NAV3: variants seen among roughly 807,000 people sequenced by gnomAD.
The protein encoded by NAV3 is pore membrane and/or filament interacting like protein 1.
In NAV3, 87 loss-of-function variants were observed where a neutral mutation model predicts 244.7. The observed-to-expected ratio is 0.36, with a 90% CI of 0.30 to 0.42. The LOEUF (loss-of-function observed/expected upper bound fraction) is 0.42. NAV3 is among the 20% of genes least tolerant of loss of function. NAV3 has a pLI of 1.00. For synonymous variants in NAV3, 1,126 were observed against 1,042.2 expected (o/e 1.08, Z -1.55); for missense variants, 2,663 against 2,893.3 (o/e 0.92, Z 1.83).
chr12:77,846,581 G>T (rs1276975927), intron 1 of NAV3, among the ~76,000 whole-genome samples: 1 of 152,028 alleles, frequency 6.6e-6, no homozygotes, highest in Non-Finnish European at 1.5e-5. Context: ...TTTTCTCCTT[G>T]ATTTCATTCT....
At chr12:78,132,610 C>G (rs1425198082) in intron 18 of NAV3, among the ~76,000 whole-genome samples, 1 of 152,146 alleles carries the variant, frequency 6.6e-6, no homozygotes, top group Non-Finnish European at 1.5e-5. Context: ...GGTGCAAACC[C>G]TGGGCAATGC....
chr12:78,025,051 C>G (rs1877793133), intron 9 of NAV3, among the ~76,000 whole-genome samples: 1 of 152,002 alleles, frequency 6.6e-6, no homozygotes, highest in African/African-American at 2.4e-5. Context: ...TGATTTATCT[C>G]CTTCTCTTAT....
intron 7 of NAV3, among the ~76,000 whole-genome samples, chr12:78,001,898 A>C (rs1460923413): frequency 6.6e-6 from 1 of 152,212 alleles, no homozygotes; most frequent in Non-Finnish European, 1.5e-5. Flanking sequence ...TCTCCTGATG[A>C]CCTGCCATTC....
At chr12:77,982,729 A>G (rs1869795977) in intron 5 of NAV3, among the ~76,000 whole-genome samples, 1 of 152,190 alleles carries the variant, frequency 6.6e-6, no homozygotes, top group South Asian at 2.1e-4. Context: ...TCCTTGTTCC[A>G]CTATGTCCAG....
At chr12:78,185,943 A>G (rs1958697192) in intron 31 of NAV3, among the ~76,000 whole-genome samples, 1 of 151,890 alleles carries the variant, frequency 6.6e-6, no homozygotes, top group Admixed American at 6.6e-5. Context: ...CCTCATTTCT[A>G]AAACTTTAAA....
At position 77,717,257 on chromosome 12, in the gene NAV3, C is replaced by T. The variant is rs951069965; in HGVS notation, c.72+144991C>T. ...CTTCCTGCATGACCAAAACTCTATA[C>T]CCATTGAACAACTCCCTATTTTCCT... is the stretch of plus-strand genomic sequence containing the variant. On this transcript the variant is annotated intron_variant, in intron 2 of 8. Coordinates refer to the NAV3 transcript ENST00000550042. Among the ~76,000 whole-genome samples, 14 of 151,974 alleles carry T rather than the reference C, an allele frequency of 9.2e-5. 1 individual carries two copies. Among genetic ancestry groups the T allele is most frequent in the Non-Finnish European group, 1.6e-4 (11 of 67,936 alleles).
At chr12:77,915,572 G>GC (rs147567321) in intron 1 of NAV3, among the ~76,000 whole-genome samples, 16,721 of 151,870 alleles carry the variant, frequency 0.11, 1,044 homozygotes, top group South Asian at 0.2. Flanking sequence ...AATCTAGATA[G>GC]TATATTATTA....
At chr12:78,148,732 A>G in intron 21 of NAV3, 110 bp from the exon 22 acceptor site, 1 of 841,854 alleles carries the variant, frequency 1.2e-6, no homozygotes, top group Non-Finnish European at 1.9e-6. Flanking sequence ...TGCTGCTGAT[A>G]CAATGGGGTT....
intron 6 of NAV3, among the ~76,000 whole-genome samples, chr12:77,995,446 A>G (rs1023063169): frequency 6.6e-6 from 1 of 152,202 alleles, no homozygotes; most frequent in African/African-American, 2.4e-5. Flanking sequence ...AATGTTTTGA[A>G]AGAGTTTGAT....
chr12:77,871,703 T>C lies in NAV3; in HGVS notation c.243+39999T>C, dbSNP rs545444570. On this transcript the variant is annotated intron_variant, in intron 1 of 39. Coordinates refer to ENST00000397909, the MANE Select transcript of NAV3 (RefSeq NM_001024383.2). ...AGTCTATCATTGATGGGCATTTGGG[T>C]TGGTTCCAAGTCTTTGCTATTGTGA... Among the ~76,000 whole-genome samples the C allele has an allele frequency of 3.5e-4, 54 of 152,350 alleles. 1 individual carries two copies. The highest frequency in any genetic ancestry group is 2.9e-4 in the Non-Finnish European group (20 of 68,028).
At chr12:78,191,355 T>A (rs917567597) in intron 34 of NAV3, among the ~76,000 whole-genome samples, 1 of 151,466 alleles carries the variant, frequency 6.6e-6, no homozygotes, top group African/African-American at 2.4e-5. Flanking sequence ...GATATAAGAG[T>A]TGCTTGCAAT....
At chr12:77,980,449 T>A (rs1213070800) in intron 5 of NAV3, among the ~76,000 whole-genome samples, 1 of 152,208 alleles carries the variant, frequency 6.6e-6, no homozygotes, top group Non-Finnish European at 1.5e-5. Context: ...TTCCTGAATA[T>A]ATGTATTAAG....
chr12:77,980,738 G>T (rs528626928), intron 5 of NAV3, among the ~76,000 whole-genome samples: 2 of 152,158 alleles, frequency 1.3e-5, no homozygotes, highest in African/African-American at 4.8e-5. Context: ...GCATTGTAGC[G>T]TAGTACTTTG....
Position 78,122,172 on chromosome 12 carries a change from T to C in NAV3, c.3982T>C (p.Ser1328Pro), listed in dbSNP as rs2138692092. The C allele has an allele frequency of 1.9e-6, 3 of 1,614,050 alleles. No homozygotes were observed. Among genetic ancestry groups the C allele is most frequent in the Non-Finnish European group, 2.5e-6 (3 of 1,180,002 alleles). ...LTTDVISLSH[S>P]LASSPASVHS... ...TACAGATGTTATAAGCTTAAGTCAC[T>C]CGTTGGCCTCCAGCCCAGCATCGGT... The change falls in exon 16 of 40, where the codon TCG becomes CCG. Residue 1328 changes from serine (S) to proline (P), a missense_variant. Physicochemically the swap from Ser to Pro is moderately conservative, Grantham distance 74. Coordinates refer to ENST00000397909, the MANE Select transcript of NAV3 (RefSeq NM_001024383.2).
chr12:77,743,866 T>C (rs978031216), intron 2 of NAV3, among the ~76,000 whole-genome samples: 9 of 151,788 alleles, frequency 5.9e-5, no homozygotes, highest in Non-Finnish European at 1.0e-4. Flanking sequence ...ATACACTGTT[T>C]GGCATCATCA....
chr12:78,142,259 G>T (rs532044499), intron 20 of NAV3, among the ~76,000 whole-genome samples: 1 of 151,874 alleles, frequency 6.6e-6, no homozygotes, highest in Non-Finnish European at 1.5e-5. Flanking sequence ...CAATATTAAA[G>T]ATTTTTTTGA....
rs1280555623 is a variant in NAV3 at position 78,012,700 on chromosome 12, A to G, written c.1907+5255A>G. 2.0e-5 allele frequency among the ~76,000 whole-genome samples: 3 copies of G among 152,120 alleles called. No individual in the cohort carries two copies. The East Asian group carries it at 5.8e-4, about 29-fold the overall frequency. On this transcript the variant is annotated intron_variant, in intron 8 of 39. Transcript: ENST00000397909. ...ATTAGAGCTCTGCTAATCTCCAGCC[A>G]TCTCCAACCACCTACTCCAGGGGAA...
chr12:78,015,719 C>T (rs1016687062), intron 8 of NAV3, among the ~76,000 whole-genome samples: 3 of 151,960 alleles, frequency 2.0e-5, no homozygotes, highest in Non-Finnish European at 2.9e-5. Context: ...TGTGTAAAAA[C>T]GCAATTTTGT....
At chr12:77,762,257 A>G (rs1389893787) in intron 2 of NAV3, among the ~76,000 whole-genome samples, 1 of 152,152 alleles carries the variant, frequency 6.6e-6, no homozygotes, top group Non-Finnish European at 1.5e-5. Flanking sequence ...TGAGGGGAAC[A>G]TCACACATCG....
Sources: gnomAD v4.1 joint callset for allele counts (sites outside exome capture counted in the v4.1 genomes callset) on GRCh38, gnomAD v4.1.1 for gene constraint, MANE v1.5 for transcripts, NCBI Gene and HGNC (gene_info 2026-07-23, HGNC 2026-07-21) for gene names.